SORCS3: variants seen among roughly 807,000 people sequenced by gnomAD.
The protein encoded by SORCS3 is VPS10 domain-containing receptor SorCS3.
Under a neutral mutation model 146.3 loss-of-function variants are expected in SORCS3, and 57 were observed. That is an observed-to-expected ratio of 0.39 (90% CI 0.31 to 0.49). SORCS3 has a LOEUF of 0.49. Among genes scored for constraint, SORCS3 ranks in the 20% least tolerant of loss-of-function variants. The pLI is 0.92. For synonymous variants in SORCS3, 653 were observed against 618.5 expected, an observed-to-expected ratio of 1.06 and a Z score of -0.83; for missense variants, 1,341 against 1,575.5, an observed-to-expected ratio of 0.85 and a Z score of 2.52.
intron 20 of SORCS3, among the ~76,000 whole-genome samples, chr10:105,239,872 G>T (rs2056813146): frequency 6.6e-6 from 1 of 152,224 alleles, no homozygotes; most frequent in South Asian, 2.1e-4. Context: ...CCTGTTGAGT[G>T]TTCCAGCTTT....
intron 3 of SORCS3, among the ~76,000 whole-genome samples, chr10:104,932,441 C>T (rs933542278): frequency 1.3e-5 from 2 of 152,178 alleles, no homozygotes; most frequent in Admixed American, 6.5e-5. Context: ...GGCTGTACCA[C>T]AGTTATCCCC....
intron 11 of SORCS3, among the ~76,000 whole-genome samples, chr10:105,162,135 G>A (rs1433066061): frequency 1.3e-5 from 2 of 152,144 alleles, no homozygotes; most frequent in Non-Finnish European, 2.9e-5. Context: ...GCCCTCAGAG[G>A]ACTTCAATAT....
chr10:104,746,138 CT>C lies in SORCS3; in HGVS notation c.628-96638del, dbSNP rs1287233951. Reference sequence around the variant, plus strand: ...GATGTGTTGTTTTGATAACTGTTTTCTTTTTTTTTTTTTTTTAAGGTGGAGT... The same window carrying C: ...GATGTGTTGTTTTGATAACTGTTTTCTTTTTTTTTTTTTTTAAGGTGGAGT... On this transcript the variant is annotated intron_variant, in intron 1 of 26. Coordinates refer to ENST00000369701, the MANE Select transcript of SORCS3 (RefSeq NM_014978.3). 6.0e-3 allele frequency among the ~76,000 whole-genome samples: 796 copies of C among 131,982 alleles called. 2 individuals are homozygous for C. Among genetic ancestry groups the C allele is most frequent in the Middle Eastern group, 7.8e-3 (2 of 256 alleles). The allele number at this position is 131,982 out of a possible 152,430, so 86.6% of individuals were successfully genotyped here.
chr10:105,242,011 C>T (rs2056826317), intron 20 of SORCS3, among the ~76,000 whole-genome samples: 1 of 152,090 alleles, frequency 6.6e-6, no homozygotes, highest in Non-Finnish European at 1.5e-5. Flanking sequence ...ACTTGGCTTT[C>T]AGGCTTTAAA....
At chr10:104,852,697 A>G (rs1217640900) in intron 2 of SORCS3, among the ~76,000 whole-genome samples, 1 of 152,182 alleles carries the variant, frequency 6.6e-6, no homozygotes, top group Non-Finnish European at 1.5e-5. Context: ...CCCTCTACCC[A>G]TCTTTCTTCC....
At chr10:105,136,896 A>G (rs985453172) in intron 7 of SORCS3, among the ~76,000 whole-genome samples, 2 of 152,150 alleles carry the variant, frequency 1.3e-5, no homozygotes, top group Non-Finnish European at 2.9e-5. Flanking sequence ...TATAATTTCT[A>G]TCTTCATTAT....
chr10:104,959,877 T>C (rs141889006), intron 3 of SORCS3, among the ~76,000 whole-genome samples: 1 of 152,252 alleles, frequency 6.6e-6, no homozygotes, highest in Non-Finnish European at 1.5e-5. Context: ...GCTAAATGTC[T>C]CTCCTCTGGG....
intron 2 of SORCS3, among the ~76,000 whole-genome samples, chr10:104,903,341 C>T (rs754612642): frequency 5.9e-5 from 9 of 152,084 alleles, no homozygotes; most frequent in Non-Finnish European, 1.3e-4. Context: ...GAGTCTTGAT[C>T]CTTGACCTCA....
chr10:105,204,321 A>G (rs2056589888), intron 16 of SORCS3, among the ~76,000 whole-genome samples: 1 of 152,184 alleles, frequency 6.6e-6, no homozygotes, highest in Non-Finnish European at 1.5e-5. Context: ...TTCTCAAGAA[A>G]TCAAACAAGT....
chr10:104,747,615 T>A (rs910070889), intron 1 of SORCS3, among the ~76,000 whole-genome samples: 2 of 152,250 alleles, frequency 1.3e-5, no homozygotes, highest in African/African-American at 4.8e-5. Flanking sequence ...GTGTATAGGT[T>A]GAATTTTGAT....
intron 1 of SORCS3, among the ~76,000 whole-genome samples, chr10:104,833,071 T>C (rs2018019519): frequency 6.6e-6 from 1 of 152,236 alleles, no homozygotes; most frequent in African/African-American, 2.4e-5. Flanking sequence ...TGGGTGATCA[T>C]GTTTATGATA....
intron 2 of SORCS3, among the ~76,000 whole-genome samples, chr10:104,854,802 T>A (rs1354483371): frequency 6.6e-6 from 1 of 152,172 alleles, no homozygotes; most frequent in Non-Finnish European, 1.5e-5. Context: ...TGTTATAGGG[T>A]CATACAGTAT....
chr10:104,751,251 A>T (rs548347589), intron 1 of SORCS3, among the ~76,000 whole-genome samples: 2 of 152,204 alleles, frequency 1.3e-5, no homozygotes, highest in Non-Finnish European at 2.9e-5. Flanking sequence ...ATGCCTGGTT[A>T]TAAGTTTTCC....
intron 17 of SORCS3, among the ~76,000 whole-genome samples, chr10:105,212,000 G>T (rs1272456106): frequency 6.6e-6 from 1 of 152,260 alleles, no homozygotes; most frequent in East Asian, 1.9e-4. Context: ...TGTCGATATT[G>T]CTGGTCTCTG....
chr10:105,154,714 G>A (rs954543930), intron 9 of SORCS3, among the ~76,000 whole-genome samples: 19 of 152,290 alleles, frequency 1.2e-4, no homozygotes, highest in Admixed American at 6.5e-5. Context: ...GTGAGGGTGC[G>A]TAGTCTTCAT....
intron 2 of SORCS3, among the ~76,000 whole-genome samples, chr10:104,847,546 G>A (rs1361373769): frequency 6.6e-6 from 1 of 152,202 alleles, no homozygotes; most frequent in Non-Finnish European, 1.5e-5. Context: ...CTTCAGGTGT[G>A]AGGTCACCAC....
At chr10:105,210,146 T>C (rs964175170) in intron 16 of SORCS3, among the ~76,000 whole-genome samples, 10 of 152,164 alleles carry the variant, frequency 6.6e-5, no homozygotes, top group East Asian at 1.9e-4. Flanking sequence ...TCTGTTTTCA[T>C]TGGACTTCCA....
At chr10:105,016,155 A>ATATATATATATATAT (rs71482443) in intron 4 of SORCS3, among the ~76,000 whole-genome samples, 14 of 101,318 alleles carry the variant, frequency 1.4e-4, no homozygotes, top group African/African-American at 6.8e-4. Flanking sequence ...ATATATATAT[A>ATATATATATATATAT]TTTTTTTTTT....
In SORCS3 at chr10:104,870,333, T is replaced by C. The variant is rs1295937613; in HGVS notation, c.695+27474T>C. Reference sequence around the variant, plus strand: ...GTAAATGACAATGAGTAGAGAGTCATTCATTCATTCATGCATGCATTTATG... The same window carrying C: ...GTAAATGACAATGAGTAGAGAGTCACTCATTCATTCATGCATGCATTTATG... On this transcript the variant is annotated intron_variant, in intron 2 of 26. Coordinates refer to ENST00000369701, the MANE Select transcript of SORCS3 (RefSeq NM_014978.3). Among the ~76,000 whole-genome samples the C allele has an allele frequency of 2.0e-5, 3 of 152,208 alleles. No homozygotes were observed. In the East Asian group the frequency reaches 5.8e-4, roughly 29 times the overall value.
Sources: gnomAD v4.1 joint callset for allele counts (sites outside exome capture counted in the v4.1 genomes callset) on GRCh38, gnomAD v4.1.1 for gene constraint, MANE v1.5 for transcripts, NCBI Gene and HGNC (gene_info 2026-07-23, HGNC 2026-07-21) for gene names.